TRIM44: variants seen among roughly 807,000 people sequenced by gnomAD.
TRIM44 encodes tripartite motif-containing protein 44.
TRIM44 carries 13 observed loss-of-function variants against 37.4 expected under a neutral mutation model. The observed-to-expected ratio is 0.35, with a 90% CI of 0.23 to 0.55. TRIM44 has a LOEUF of 0.55. Among genes scored for constraint, TRIM44 ranks in the 20% least tolerant of loss-of-function variants. TRIM44 has a pLI of 0.89. For synonymous variants in TRIM44, 175 were observed against 157.2 expected (o/e 1.11, Z -0.85); for missense variants, 426 against 437.2 (o/e 0.97, Z 0.23).
chr11:35,689,763 T>C (rs1851619731), intron 2 of TRIM44, among the ~76,000 whole-genome samples: 1 of 152,230 alleles, frequency 6.6e-6, no homozygotes. Flanking sequence ...AGAGGTAACC[T>C]AGGCTTGGAA....
intron 2 of TRIM44, among the ~76,000 whole-genome samples, chr11:35,707,364 A>G (rs1851900435): frequency 6.6e-6 from 1 of 152,310 alleles, no homozygotes; most frequent in South Asian, 2.1e-4. Context: ...ATTCAATGCC[A>G]TCCCCATGAA....
intron 3 of TRIM44, among the ~76,000 whole-genome samples, chr11:35,730,307 A>C (rs1018633971): frequency 6.6e-6 from 1 of 152,190 alleles, no homozygotes; most frequent in African/African-American, 2.4e-5. Flanking sequence ...AAACAGCAGC[A>C]AAAAAACATG....
At chr11:35,774,944 A>T (rs1243822770) in intron 4 of TRIM44, among the ~76,000 whole-genome samples, 1 of 152,140 alleles carries the variant, frequency 6.6e-6, no homozygotes, top group Non-Finnish European at 1.5e-5. Context: ...TTGTCTTGGC[A>T]ATGTGGGCTC....
chr11:35,775,648 G>C (rs1852946599), intron 4 of TRIM44, among the ~76,000 whole-genome samples: 1 of 152,134 alleles, frequency 6.6e-6, no homozygotes, highest in Non-Finnish European at 1.5e-5. Flanking sequence ...CATCCCATCA[G>C]TACCTAGTTT....
At chr11:35,717,734 A>G (rs1421892001) in intron 2 of TRIM44, among the ~76,000 whole-genome samples, 1 of 152,176 alleles carries the variant, frequency 6.6e-6, no homozygotes, top group Non-Finnish European at 1.5e-5. Context: ...AGAACAGAGG[A>G]AAGCACCAAG....
chr11:35,787,140 G>A (rs1019273660), intron 4 of TRIM44, among the ~76,000 whole-genome samples: 1 of 152,174 alleles, frequency 6.6e-6, no homozygotes, highest in South Asian at 2.1e-4. Flanking sequence ...GCATGGGGAC[G>A]AGAGGAGGGA....
At chr11:35,749,841 A>G (rs1852539895) in intron 4 of TRIM44, among the ~76,000 whole-genome samples, 1 of 152,258 alleles carries the variant, frequency 6.6e-6, no homozygotes, top group South Asian at 2.1e-4. Context: ...CACAGTAATT[A>G]TGCTGGAAAA....
At chr11:35,714,732 T>TA (rs1196216851) in intron 2 of TRIM44, among the ~76,000 whole-genome samples, 1 of 152,222 alleles carries the variant, frequency 6.6e-6, no homozygotes, top group Non-Finnish European at 1.5e-5. Flanking sequence ...TTAAAAATAG[T>TA]ATAAATTCTG....
chr11:35,701,830 C>T (rs766302004), intron 2 of TRIM44, among the ~76,000 whole-genome samples: 6 of 152,116 alleles, frequency 3.9e-5, no homozygotes, highest in Non-Finnish European at 7.3e-5. Context: ...GTGACTTTTA[C>T]GATTCATTTA....
At chr11:35,703,382 GTC>G (rs1468853149) in intron 2 of TRIM44, among the ~76,000 whole-genome samples, 1 of 152,208 alleles carries the variant, frequency 6.6e-6, no homozygotes, top group Non-Finnish European at 1.5e-5. Flanking sequence ...AAATATCCCT[GTC>G]TTTGACAGCT....
intron 4 of TRIM44, among the ~76,000 whole-genome samples, chr11:35,759,035 G>C (rs965129170): frequency 1.2e-4 from 19 of 152,188 alleles, no homozygotes; most frequent in African/African-American, 3.9e-4. Flanking sequence ...TCCTGAATTT[G>C]AATGTTGGCC....
Position 35,728,038 on chromosome 11 carries a change from A to G in TRIM44, c.987+1875A>G, listed in dbSNP as rs140408922. ...GTTGTTCTTTGAAAAATAAAAATTT[A>G]ATTTTGGCTAGGCGTGGTGGCTCAC... is the stretch of plus-strand genomic sequence containing the variant. On this transcript the variant is annotated intron_variant, in intron 3 of 4. Transcript: ENST00000299413. Among the ~76,000 whole-genome samples, 280 of 152,272 alleles carry G rather than the reference A, an allele frequency of 1.8e-3. 2 individuals are homozygous for G. Among genetic ancestry groups the G allele is most frequent in the African/African-American group, 6.5e-3 (269 of 41,558 alleles).
At chr11:35,739,159 T>C (rs973413264) in intron 4 of TRIM44, among the ~76,000 whole-genome samples, 2 of 152,214 alleles carry the variant, frequency 1.3e-5, no homozygotes, top group African/African-American at 4.8e-5. Context: ...TTTACCACAA[T>C]CATAATCATA....
intron 4 of TRIM44, among the ~76,000 whole-genome samples, chr11:35,740,882 T>C (rs554800933): frequency 8.5e-5 from 13 of 152,300 alleles, no homozygotes; most frequent in Non-Finnish European, 1.3e-4. Flanking sequence ...GGGTTTTTTT[T>C]CCTCAATTTT....
At chr11:35,806,309 T>C (rs1220229725) in intron 4 of TRIM44, 49 bp from the exon 5 acceptor site, 1 of 1,608,774 alleles carries the variant, frequency 6.2e-7, no homozygotes, top group Admixed American at 1.7e-5. Context: ...CTAGGCTGCC[T>C]CCCTTCTTGT....
At chr11:35,758,039 A>G (rs1462184392) in intron 4 of TRIM44, among the ~76,000 whole-genome samples, 7 of 152,092 alleles carry the variant, frequency 4.6e-5, no homozygotes, top group Non-Finnish European at 8.8e-5. Flanking sequence ...GCTGAGTTCA[A>G]TTCCTGGGTA....
At position 35,812,771 on chromosome 11, in the gene TRIM44, G is replaced by A. The variant is rs1853541830; in HGVS notation, c.*6386G>A. 6.6e-6 allele frequency: 1 copy of A among 152,232 alleles called. No individual in the cohort carries two copies. The highest frequency in any genetic ancestry group is 1.5e-5 in the Non-Finnish European group (1 of 68,058). The allele number at this position is 152,232 out of a possible 1,614,324, so 9.4% of individuals were successfully genotyped here. Reference sequence around the variant, plus strand: ...AAGGAGTTTGCCTTTTGCAAAGAAGGTCTTGCTTTGTATAGCCTGTAAAAT... The same window carrying A: ...AAGGAGTTTGCCTTTTGCAAAGAAGATCTTGCTTTGTATAGCCTGTAAAAT... On this transcript the variant is annotated 3_prime_UTR_variant, in exon 5 of 5. Coordinates refer to ENST00000299413, the MANE Select transcript of TRIM44 (RefSeq NM_017583.6).
intron 2 of TRIM44, among the ~76,000 whole-genome samples, chr11:35,716,843 A>G (rs1306751169): frequency 6.6e-6 from 1 of 152,190 alleles, no homozygotes; most frequent in Non-Finnish European, 1.5e-5. Context: ...TACGTACTGT[A>G]TGCCTGAATT....
intron 4 of TRIM44, among the ~76,000 whole-genome samples, chr11:35,763,719 G>C (rs189552125): frequency 6.6e-6 from 1 of 152,190 alleles, no homozygotes. Context: ...ACCTAGTTTT[G>C]CATTTGTCTG....
Sources: allele counts gnomAD v4.1 joint callset (sites outside exome capture counted in the v4.1 genomes callset), GRCh38; gene constraint gnomAD v4.1.1; transcripts MANE v1.5; gene names NCBI Gene and HGNC (gene_info 2026-07-23, HGNC 2026-07-21).